The following STOX2 variants were observed in gnomAD, a reference collection of about 807,000 sequenced individuals.
STOX2 encodes the protein storkhead box 2, also known as storkhead-box protein 2.
Under a neutral mutation model 60.9 loss-of-function variants are expected in STOX2, and 28 were observed. That is an observed-to-expected ratio of 0.46 (90% CI 0.34 to 0.63). The LOEUF (loss-of-function observed/expected upper bound fraction) is 0.63. Among genes scored for constraint, STOX2 ranks in the 30% least tolerant of loss-of-function variants. STOX2 has a pLI of 0.01. For missense variants in STOX2, 1,024 were observed against 1,187.7 expected (o/e 0.86, Z 2.03); for synonymous variants, 472 against 463.9 (o/e 1.02, Z -0.22).
At chr4:183,957,389 A>T (rs1463530558) in intron 1 of STOX2, among the ~76,000 whole-genome samples, 1 of 152,170 alleles carries the variant, frequency 6.6e-6, no homozygotes, top group Non-Finnish European at 1.5e-5. Flanking sequence ...ATGCATCAGT[A>T]ATTCTTGCTT....
intron 1 of STOX2, among the ~76,000 whole-genome samples, chr4:183,995,161 T>C (rs1345700318): frequency 6.6e-6 from 1 of 152,090 alleles, no homozygotes; most frequent in Non-Finnish European, 1.5e-5. Context: ...GTGTAAGCTG[T>C]TGTGAAAGTC....
In STOX2 at chr4:183,928,642, G is replaced by A. The variant is rs536222777; in HGVS notation, c.166+21686G>A. ...GAATCAGTAACCCAGTGAGCCGGCC[G>A]AGCCTGGCACTCTTGCCAACCCGGT... On this transcript the variant is annotated intron_variant, in intron 1 of 3. Transcript: ENST00000308497. Among the ~76,000 whole-genome samples, 12 of 152,108 alleles carry A rather than the reference G, an allele frequency of 7.9e-5. No homozygotes were observed. The East Asian group carries it at 1.7e-3, about 22-fold the overall frequency.
At chr4:183,837,735 A>G (rs919283403) in intron 1 of STOX2, among the ~76,000 whole-genome samples, 1 of 152,204 alleles carries the variant, frequency 6.6e-6, no homozygotes, top group Non-Finnish European at 1.5e-5. Context: ...CTGGGATTAC[A>G]CATGTGAGCC....
chr4:183,985,575 T>C (rs1026208469), intron 1 of STOX2, among the ~76,000 whole-genome samples: 3 of 152,182 alleles, frequency 2.0e-5, no homozygotes, highest in African/African-American at 7.2e-5. Flanking sequence ...ACTAGGCCCA[T>C]ATATAGATGA....
At chr4:183,936,432 G>A (rs918905658) in intron 1 of STOX2, among the ~76,000 whole-genome samples, 2 of 146,614 alleles carry the variant, frequency 1.4e-5, no homozygotes, top group African/African-American at 5.1e-5. Context: ...TTTTTTTTCC[G>A]CAGTGGATCA....
At chr4:183,922,537 G>A (rs147709142) in intron 1 of STOX2, among the ~76,000 whole-genome samples, 4,146 of 151,862 alleles carry the variant, frequency 0.027, 171 homozygotes, top group African/African-American at 0.091. Context: ...GTAGAGACGG[G>A]GTTTCACCAT....
chr4:183,935,425 T>C (rs1742564660), intron 1 of STOX2, among the ~76,000 whole-genome samples: 1 of 152,276 alleles, frequency 6.6e-6, no homozygotes, highest in South Asian at 2.1e-4. Flanking sequence ...ATTTTGGGGC[T>C]AACGCTCTAG....
intron 1 of STOX2, among the ~76,000 whole-genome samples, chr4:183,923,002 G>A (rs1319358454): frequency 6.6e-6 from 1 of 152,164 alleles, no homozygotes; most frequent in Non-Finnish European, 1.5e-5. Context: ...TTGCCCACGT[G>A]TACCATGTTT....
rs1389844003 is a variant in STOX2, at chr4:183,856,522, T to A, written c.364+58467T>A. On this transcript the variant is annotated intron_variant, in intron 1 of 2. Coordinates refer to the STOX2 transcript ENST00000513034. This position sits in a 1 kb window ranked among gnomAD's most constrained non-coding sequence, Gnocchi z 4.0. ...TTCCCTCAGCAGTCTCCATCCAAAC[T>A]GAAGGGCAGTTCAGGGATCTGCCTT... is the stretch of plus-strand genomic sequence containing the variant. Among the ~76,000 whole-genome samples the A allele has an allele frequency of 2.6e-5, 4 of 152,174 alleles. No individual in the cohort carries two copies. In the East Asian group the frequency reaches 7.7e-4, roughly 29 times the overall value.
At chr4:183,888,790 C>T (rs920986209) in intron 1 of STOX2, among the ~76,000 whole-genome samples, 3 of 152,098 alleles carry the variant, frequency 2.0e-5, no homozygotes, top group Non-Finnish European at 4.4e-5. Flanking sequence ...ACCTTTTCCC[C>T]ACGCCTTTCC....
intron 1 of STOX2, among the ~76,000 whole-genome samples, chr4:183,832,986 T>A (rs1739611093): frequency 6.6e-6 from 1 of 152,232 alleles, no homozygotes; most frequent in Non-Finnish European, 1.5e-5. Context: ...TGTTTTTCAA[T>A]CTCCAATAGG....
At chr4:183,812,050 G>A (rs1739047132) in intron 1 of STOX2, among the ~76,000 whole-genome samples, 1 of 150,808 alleles carries the variant, frequency 6.6e-6, no homozygotes, top group African/African-American at 2.4e-5. Flanking sequence ...TCCCACCTCA[G>A]CCTCCTCAGT....
In STOX2 at chr4:184,010,797, C is replaced by T; in HGVS notation, c.1959C>T (p.His653=). 6.3e-7 allele frequency: 1 copy of T among 1,582,246 alleles called. No individual in the cohort carries two copies. The highest frequency in any genetic ancestry group is 1.3e-5 in the African/African-American group (1 of 74,184). Residue 653 remains histidine (H), a synonymous_variant, in exon 3 of 4, where the codon CAC becomes CAT. Transcript: ENST00000308497. This position sits in a 1 kb window ranked among gnomAD's most constrained non-coding sequence, Gnocchi z 4.5. The part of the protein sequence containing the change: ...VPHSSREPVG[H]KEESPKGPGG... ...ACTCCTCCAGGGAGCCTGTGGGGCA[C>T]AAGGAGGAGTCACCAAAAGGGCCGG... is the stretch of plus-strand genomic sequence containing the variant.
At chr4:183,835,286 G>T (rs1029784924) in intron 1 of STOX2, among the ~76,000 whole-genome samples, 1 of 150,392 alleles carries the variant, frequency 6.6e-6, no homozygotes, top group Admixed American at 6.6e-5. Context: ...GTGCAGTGGC[G>T]CAATCTCAGT....
intron 1 of STOX2, among the ~76,000 whole-genome samples, chr4:183,924,217 C>G (rs527737240): frequency 1.3e-5 from 2 of 152,232 alleles, no homozygotes; most frequent in East Asian, 3.9e-4. Context: ...GGCCTTGACA[C>G]GTATGCTTGT....
At position 183,895,471 on chromosome 4, in the gene STOX2, A is replaced by T. The variant is rs569541178; in HGVS notation, c.364+97416A>T. Among the ~76,000 whole-genome samples the T allele has an allele frequency of 6.6e-5, 10 of 152,272 alleles. No individual in the cohort carries two copies. In the South Asian group the frequency reaches 1.9e-3, roughly 28 times the overall value. On this transcript the variant is annotated intron_variant, in intron 1 of 2. Coordinates refer to the STOX2 transcript ENST00000513034. ...TTTGAAAGGCACTAGGCATAAAATG[A>T]TTATAAAGTGAAATCTCCCCTGGCC...
At chr4:183,974,892 C>A (rs1250236705) in intron 1 of STOX2, among the ~76,000 whole-genome samples, 1 of 152,170 alleles carries the variant, frequency 6.6e-6, no homozygotes, top group African/African-American at 2.4e-5. Flanking sequence ...GCAGAATATA[C>A]ATTCCTTTAA....
In STOX2 at chr4:184,009,153, T is replaced by TTTCAGG; in HGVS notation, c.320-4_320-3insTCAGGT. On this transcript the variant is annotated splice_region_variant and splice_polypyrimidine_tract_variant and intron_variant, in intron 2 of 3. Coordinates refer to ENST00000308497, the MANE Select transcript of STOX2 (RefSeq NM_020225.3). The surrounding 1 kb of genome is among the most constrained non-coding windows in gnomAD (Gnocchi z 4.0). The stretch of plus-strand genomic sequence containing the variant: ...CACAAGTGGTTTTTTTTTTTTTTTT[T>TTTCAGG]TCAGGTGTTCCAACGCCAAGCCAAG... 1 of 1,478,138 alleles carries TTTCAGG rather than the reference T, an allele frequency of 6.8e-7. No individual in the cohort carries two copies. Among genetic ancestry groups the TTTCAGG allele is most frequent in the Non-Finnish European group, 9.0e-7 (1 of 1,109,768 alleles). The allele number at this position is 1,478,138 out of a possible 1,614,324, so 91.6% of individuals were successfully genotyped here.
chr4:183,917,595 A>G (rs1317593038), intron 1 of STOX2, among the ~76,000 whole-genome samples: 1 of 152,184 alleles, frequency 6.6e-6, no homozygotes, highest in Non-Finnish European at 1.5e-5. Flanking sequence ...ACACTTGCAA[A>G]CTGGCTGTTT....
Sources: allele counts gnomAD v4.1 joint callset (sites outside exome capture counted in the v4.1 genomes callset), GRCh38; gene constraint gnomAD v4.1.1; non-coding constraint Gnocchi (gnomAD v3.1); transcripts MANE v1.5; gene names NCBI Gene and HGNC (gene_info 2026-07-23, HGNC 2026-07-21).